The following GRK7 variants were observed in gnomAD, a reference collection of about 807,000 sequenced individuals.
GRK7 encodes rhodopsin kinase GRK7.
Under a neutral mutation model 34.1 loss-of-function variants are expected in GRK7, and 24 were observed. The ratio of observed to expected loss-of-function variants is 0.70; its 90% CI spans 0.51 to 0.99. The LOEUF (loss-of-function observed/expected upper bound fraction) is 0.99, where lower values mean the gene tolerates loss of function less well. Among genes scored for constraint, GRK7 ranks in the 50% least tolerant of loss-of-function variants. GRK7 has a pLI of 0.00. For missense variants in GRK7, 644 were observed against 707.3 expected (o/e 0.91, Z 1.02); for synonymous variants, 256 against 279.4 (o/e 0.92, Z 0.84).
intron 4 of GRK7, among the ~76,000 whole-genome samples, chr3:141,798,353 A>T (rs541652417): frequency 6.6e-6 from 1 of 152,296 alleles, no homozygotes; most frequent in East Asian, 1.9e-4. Flanking sequence ...TGCTGGGTAT[A>T]CTTGGTTTTT....
chr3:141,753,957 G>A, the GRK7 span, among the ~76,000 whole-genome samples: 26 of 152,340 alleles, frequency 1.7e-4, 1 homozygote, highest in South Asian at 4.6e-3. Flanking sequence ...TCATGCAGAA[G>A]TATAATGATG....
chr3:141,756,316 A>AC, the GRK7 span, among the ~76,000 whole-genome samples: 1 of 79,036 alleles, frequency 1.3e-5, no homozygotes, highest in African/African-American at 5.9e-5. Context: ...CATCTCAAAA[A>AC]GAAAAAAAAA....
Position 141,773,581 on chromosome 3 carries a change from G to A in GRK7, c.-214-999G>A, listed in dbSNP as rs564740410. On this transcript the variant is annotated intron_variant, in intron 1 of 5. Transcript: ENST00000682958. ...GGCTGGAGTGCAGTGGCACTATCTC[G>A]GCTCACTGCAAGCTCCACCTCCCGG... Among the ~76,000 whole-genome samples the A allele has an allele frequency of 2.2e-4, 33 of 152,084 alleles. 1 individual carries two copies. In the South Asian group the frequency reaches 5.0e-3, roughly 23 times the overall value.
At chr3:141,794,736 G>A (rs988560812) in intron 4 of GRK7, among the ~76,000 whole-genome samples, 2 of 152,228 alleles carry the variant, frequency 1.3e-5, no homozygotes, top group African/African-American at 2.4e-5. Context: ...CACAGAGGGA[G>A]TAGTGGAGAC....
At chr3:141,799,082 C>T (rs1328599609) in intron 4 of GRK7, among the ~76,000 whole-genome samples, 1 of 152,120 alleles carries the variant, frequency 6.6e-6, no homozygotes, top group Non-Finnish European at 1.5e-5. Flanking sequence ...GAACCCTCTG[C>T]TGTGTGGAGC....
At chr3:141,795,974 T>C (rs530750382) in intron 4 of GRK7, among the ~76,000 whole-genome samples, 1 of 152,214 alleles carries the variant, frequency 6.6e-6, no homozygotes. Flanking sequence ...CATGATACAG[T>C]TCAGGGACCT....
intron 4 of GRK7, among the ~76,000 whole-genome samples, chr3:141,805,149 C>T (rs1190023238): frequency 6.6e-6 from 1 of 152,058 alleles, no homozygotes; most frequent in Non-Finnish European, 1.5e-5. Context: ...CACACTGACC[C>T]CGTGGGCCCC....
intron 3 of GRK7, among the ~76,000 whole-genome samples, chr3:141,779,426 AG>A (rs1200252401): frequency 2.1e-4 from 31 of 147,620 alleles, no homozygotes; most frequent in African/African-American, 7.3e-4. Context: ...AAAAAAAAAA[AG>A]AAAGAAAGAA....
chr3:141,792,666 T>G (rs2084730053), intron 4 of GRK7, among the ~76,000 whole-genome samples: 1 of 152,142 alleles, frequency 6.6e-6, no homozygotes, highest in African/African-American at 2.4e-5. Context: ...TGGAAGATAT[T>G]GGGGAGCTAT....
chr3:141,769,121 C>T (rs1256043320), intron 1 of GRK7, among the ~76,000 whole-genome samples: 1 of 152,116 alleles, frequency 6.6e-6, no homozygotes, highest in Admixed American at 6.6e-5. Context: ...ATCCCACTGC[C>T]CACCTAACAT....
intron 4 of GRK7, among the ~76,000 whole-genome samples, chr3:141,796,698 G>A (rs1419327167): frequency 6.6e-6 from 1 of 152,196 alleles, no homozygotes; most frequent in East Asian, 1.9e-4. Context: ...TAGAGGCACC[G>A]TGGAAAGTAT....
rs892753025 is a variant in GRK7 at position 141,763,790 on chromosome 3, C to T, written c.-2163C>T. The stretch of plus-strand genomic sequence containing the variant: ...CATTCCCTTTTATTCCTGCAACTCC[C>T]ACCCCTTCCTGACTTCTGAAACTTG... On this transcript the variant is annotated 5_prime_UTR_variant, in exon 1 of 6. Coordinates refer to ENST00000682958, the MANE Select transcript of GRK7 (RefSeq NM_139209.3). Among the ~76,000 whole-genome samples, 1 of 152,114 alleles carries T rather than the reference C, an allele frequency of 6.6e-6. No homozygotes were observed. Among genetic ancestry groups the T allele is most frequent in the Admixed American group, 6.6e-5 (1 of 15,258 alleles).
At chr3:141,763,250 C>T (rs989248025), upstream of GRK7, among the ~76,000 whole-genome samples, 3 of 152,252 alleles carry the variant, frequency 2.0e-5, no homozygotes, top group Admixed American at 6.5e-5. Flanking sequence ...TGCTGTGTTT[C>T]GGTCAAACAA....
At position 141,780,239 on chromosome 3, in the gene GRK7, A is replaced by T. The variant is rs559433035; in HGVS notation, c.613-135A>T. ...GCACTGTAGTCCCCACTTTTTCTTG[A>T]GAACACTTCTTATTTACAGCTACTC... On this transcript the variant is annotated intron_variant, in intron 3 of 5. Coordinates refer to ENST00000682958, the MANE Select transcript of GRK7 (RefSeq NM_139209.3). The T allele has an allele frequency of 2.1e-4, 155 of 729,320 alleles. No homozygotes were observed. The African/African-American group carries it at 2.5e-3, about 12-fold the overall frequency. 45.2% of individuals were successfully genotyped at this position (729,320 alleles called of 1,614,324 possible).
chr3:141,803,265 G>GA lies in GRK7; in HGVS notation c.1051-4360dup, dbSNP rs3057588. 4.9e-3 allele frequency among the ~76,000 whole-genome samples: 527 copies of GA among 106,830 alleles called. 3 individuals carry two copies. The highest frequency in any genetic ancestry group is 0.019 in the Admixed American group (197 of 10,272). The allele number at this position is 106,830 out of a possible 152,430, so 70.1% of individuals were successfully genotyped here. A position where few individuals can be genotyped will look rare whatever the true frequency, so the allele number is the denominator to read the frequency against. On this transcript the variant is annotated intron_variant, in intron 4 of 5. Transcript: ENST00000682958. ...AACATGGTGAAACCCTGTCTCTACTGAAAAAAAAAAAAAAAAAAAAGCCAG... is the reference window on the plus strand; with the variant it reads ...AACATGGTGAAACCCTGTCTCTACTGAAAAAAAAAAAAAAAAAAAAAGCCAG...
At chr3:141,771,945 A>G (rs1448011167) in intron 1 of GRK7, among the ~76,000 whole-genome samples, 1 of 151,828 alleles carries the variant, frequency 6.6e-6, no homozygotes, top group Non-Finnish European at 1.5e-5. Context: ...TCAGCCTCCC[A>G]AAAGTGCTGG....
chr3:141,797,186 T>A (rs550544161), intron 4 of GRK7, among the ~76,000 whole-genome samples: 4 of 152,334 alleles, frequency 2.6e-5, no homozygotes, highest in Admixed American at 2.6e-4. Context: ...TGGGTGTCCT[T>A]CCAGGGGTGT....
chr3:141,811,504 T>C (rs1409753661), intron 5 of GRK7, among the ~76,000 whole-genome samples: 1 of 152,176 alleles, frequency 6.6e-6, no homozygotes, highest in African/African-American at 2.4e-5. Flanking sequence ...AAAGCCTTTT[T>C]AGTAAAGCAT....
At chr3:141,789,136 C>T (rs978171075) in intron 4 of GRK7, among the ~76,000 whole-genome samples, 3 of 152,154 alleles carry the variant, frequency 2.0e-5, no homozygotes, top group African/African-American at 7.2e-5. Flanking sequence ...AAGTTTTAAA[C>T]TCAAAAGATG....
Sources: allele counts gnomAD v4.1 joint callset (sites outside exome capture counted in the v4.1 genomes callset), GRCh38; gene constraint gnomAD v4.1.1; transcripts MANE v1.5; gene names NCBI Gene and HGNC (gene_info 2026-07-23, HGNC 2026-07-21).